The following DGKI variants were observed in gnomAD, a reference collection of about 807,000 sequenced individuals.
DGKI encodes the protein diacylglycerol kinase iota.
A neutral mutation model predicts 147.5 loss-of-function variants in DGKI; 55 were observed. The ratio of observed to expected loss-of-function variants is 0.37; its 90% CI spans 0.30 to 0.47. The LOEUF is 0.47. Ranked by LOEUF, DGKI falls within the 20% of genes least tolerant of loss-of-function variation. The probability of loss-of-function intolerance (pLI) is 1.00; values close to 1 mark genes in which losing one functional copy is unlikely to be tolerated. For synonymous variants in DGKI, 469 were observed against 477.1 expected (o/e 0.98, Z 0.22); for missense variants, 1,007 against 1,323.8 (o/e 0.76, Z 3.71).
intron 28 of DGKI, among the ~76,000 whole-genome samples, chr7:137,438,973 A>G (rs936413853): frequency 4.6e-5 from 7 of 152,172 alleles, no homozygotes; most frequent in African/African-American, 1.7e-4. Context: ...ATGTAGTAAA[A>G]CAAGAAGAAA....
intron 3 of DGKI, among the ~76,000 whole-genome samples, 165 bp downstream of exon 3, chr7:137,678,392 A>T (rs1246925916): frequency 6.6e-6 from 1 of 152,112 alleles, no homozygotes; most frequent in Non-Finnish European, 1.5e-5. Flanking sequence ...CCTGAAAGCC[A>T]TGTTAACTTG....
chr7:137,563,641 T>C (rs1238400024), intron 19 of DGKI, among the ~76,000 whole-genome samples: 1 of 149,998 alleles, frequency 6.7e-6, no homozygotes, highest in East Asian at 1.9e-4. Context: ...GACACACATA[T>C]AGTTATTTCT....
At chr7:137,672,411 G>T (rs1585353946) in intron 3 of DGKI, among the ~76,000 whole-genome samples, 1 of 152,172 alleles carries the variant, frequency 6.6e-6, no homozygotes, top group South Asian at 2.1e-4. Context: ...GAGATGATGA[G>T]TATGAGTCCT....
At chr7:137,760,774 C>T (rs1180021153) in intron 1 of DGKI, among the ~76,000 whole-genome samples, 1 of 152,132 alleles carries the variant, frequency 6.6e-6, no homozygotes, top group African/African-American at 2.4e-5. Context: ...CAACAAGCCA[C>T]CCCTCAGAAT....
chr7:137,472,394 A>AT (rs1563040490), intron 23 of DGKI, among the ~76,000 whole-genome samples: 3,277 of 101,774 alleles, frequency 0.032, 144 homozygotes, highest in African/African-American at 0.044. Flanking sequence ...TATACATATT[A>AT]TAATTATTAT....
intron 23 of DGKI, among the ~76,000 whole-genome samples, chr7:137,474,164 C>T (rs1172915137): frequency 6.6e-6 from 1 of 152,090 alleles, no homozygotes; most frequent in African/African-American, 2.4e-5. Flanking sequence ...ACTATCTGGG[C>T]AGATTCATAA....
intron 1 of DGKI, among the ~76,000 whole-genome samples, chr7:137,819,276 C>G (rs1563212298): frequency 2.0e-5 from 3 of 151,956 alleles, no homozygotes; most frequent in African/African-American, 7.3e-5. Flanking sequence ...AGCTTTGTAC[C>G]CACACAGAAA....
At chr7:137,532,454 A>C (rs1817373416) in intron 20 of DGKI, among the ~76,000 whole-genome samples, 1 of 152,150 alleles carries the variant, frequency 6.6e-6, no homozygotes, top group Non-Finnish European at 1.5e-5. Context: ...ATTATTGCAG[A>C]ATTGTTTGTT....
intron 20 of DGKI, among the ~76,000 whole-genome samples, chr7:137,541,296 T>C (rs1455721032): frequency 1.3e-5 from 2 of 152,306 alleles, no homozygotes; most frequent in East Asian, 3.9e-4. Flanking sequence ...TCCATTTCTG[T>C]GGGTTCTACA....
intron 1 of DGKI, among the ~76,000 whole-genome samples, chr7:137,834,244 G>A (rs192314252): frequency 2.8e-4 from 42 of 152,242 alleles, no homozygotes; most frequent in East Asian, 7.7e-4. Context: ...ATGCCAGGCC[G>A]GGAAGTCAAT....
intron 29 of DGKI, 32 bp from the exon 30 acceptor site, chr7:137,408,027 G>A (rs748178093): frequency 4.3e-6 from 7 of 1,612,394 alleles, no homozygotes; most frequent in Non-Finnish European, 5.1e-6. Context: ...AAGAAGCTCA[G>A]GCAGAATTCG....
chr7:137,651,385 T>A (rs577341787), intron 5 of DGKI, among the ~76,000 whole-genome samples: 4 of 152,008 alleles, frequency 2.6e-5, no homozygotes, highest in Admixed American at 2.0e-4. Flanking sequence ...ATGTGGGGAG[T>A]CTATGAGAGA....
chr7:137,568,784 G>T (rs1012812100), intron 19 of DGKI, among the ~76,000 whole-genome samples: 1 of 151,952 alleles, frequency 6.6e-6, no homozygotes, highest in African/African-American at 2.4e-5. Flanking sequence ...CACTATTTGT[G>T]AAAGAGCCCT....
intron 1 of DGKI, among the ~76,000 whole-genome samples, chr7:137,789,909 C>T (rs1796797965): frequency 6.6e-6 from 1 of 152,102 alleles, no homozygotes; most frequent in Admixed American, 6.5e-5. Context: ...TAGGTAACAC[C>T]ATAGTTTTGC....
chr7:137,723,898 CG>C (rs1186762855), intron 1 of DGKI, among the ~76,000 whole-genome samples: 1 of 151,598 alleles, frequency 6.6e-6, no homozygotes, highest in Non-Finnish European at 1.5e-5. Flanking sequence ...TTAGTAGAGA[CG>C]GGGTTTCACC....
intron 1 of DGKI, among the ~76,000 whole-genome samples, chr7:137,819,669 A>G (rs1359971830): frequency 6.6e-6 from 1 of 152,048 alleles, no homozygotes; most frequent in South Asian, 2.1e-4. Flanking sequence ...CAAATATTTG[A>G]TCATGGTTCT....
intron 3 of DGKI, among the ~76,000 whole-genome samples, chr7:137,665,579 T>A (rs540739431): frequency 6.6e-6 from 1 of 152,314 alleles, no homozygotes; most frequent in Admixed American, 6.5e-5. Flanking sequence ...AGAAGCATTC[T>A]GCATATGAAG....
At position 137,559,244 on chromosome 7, in the gene DGKI, TG is replaced by T. The variant is rs1307097990; in HGVS notation, c.1948-6677del. On this transcript the variant is annotated intron_variant, in intron 19 of 32. Coordinates refer to ENST00000614521, the MANE Select transcript of DGKI (RefSeq NM_001321708.2). ...CCGCCACTACGCCCGGCTAATTTTT[TG>T]TATTTTTAGTAGAGACGGGGTTTCA... Among the ~76,000 whole-genome samples, 3 of 150,914 alleles carry T rather than the reference TG, an allele frequency of 2.0e-5. No homozygotes were observed. The East Asian group carries it at 6.0e-4, about 30-fold the overall frequency.
At chr7:137,789,591 C>T (rs1382420266) in intron 1 of DGKI, among the ~76,000 whole-genome samples, 1 of 151,922 alleles carries the variant, frequency 6.6e-6, no homozygotes, top group Non-Finnish European at 1.5e-5. Context: ...AAACATTCTA[C>T]AAAGTGTATT....
Sources: allele counts gnomAD v4.1 joint callset (sites outside exome capture counted in the v4.1 genomes callset), GRCh38; gene constraint gnomAD v4.1.1; transcripts MANE v1.5; gene names NCBI Gene and HGNC (gene_info 2026-07-23, HGNC 2026-07-21).